The following CELF4 variants were observed in gnomAD, a reference collection of about 807,000 sequenced individuals.
CELF4 encodes CUGBP Elav-like family member 4, also known as CUG-BP- and ETR-3-like factor 4.
Under a neutral mutation model 59.9 loss-of-function variants are expected in CELF4, and 18 were observed. That is an observed-to-expected ratio of 0.30 (90% CI 0.21 to 0.45). CELF4 has a LOEUF of 0.45. Among genes scored for constraint, CELF4 ranks in the 20% least tolerant of loss-of-function variants. CELF4 has a pLI of 1.00. For synonymous variants in CELF4, 261 were observed against 267.1 expected, an observed-to-expected ratio of 0.98 and a Z score of 0.22; for missense variants, 456 against 689.0, an observed-to-expected ratio of 0.66 and a Z score of 3.79.
chr18:37,265,195 G>A (rs984232256), intron 9 of CELF4, among the ~76,000 whole-genome samples: 1 of 151,990 alleles, frequency 6.6e-6, no homozygotes, highest in Non-Finnish European at 1.5e-5. Flanking sequence ...GTACATGCAC[G>A]TGTGTGGGTG....
At chr18:37,393,042 T>C (rs1464649905) in intron 2 of CELF4, among the ~76,000 whole-genome samples, 1 of 151,588 alleles carries the variant, frequency 6.6e-6, no homozygotes, top group African/African-American at 2.4e-5. Flanking sequence ...CATAGTGTGT[T>C]GCACAGACAC....
At chr18:37,347,891 C>T (rs1205958893) in intron 2 of CELF4, among the ~76,000 whole-genome samples, 1 of 152,154 alleles carries the variant, frequency 6.6e-6, no homozygotes, top group African/African-American at 2.4e-5. Context: ...CCAAGATGGG[C>T]CTCCCAGAGG....
intron 1 of CELF4, among the ~76,000 whole-genome samples, chr18:37,507,742 C>T (rs2099939719): frequency 6.6e-6 from 1 of 152,212 alleles, no homozygotes; most frequent in South Asian, 2.1e-4. Flanking sequence ...CAGCGGCTCC[C>T]ACTGTGGCAT....
At chr18:37,549,900 T>A (rs894817696) in intron 1 of CELF4, among the ~76,000 whole-genome samples, 3 of 152,144 alleles carry the variant, frequency 2.0e-5, no homozygotes, top group Non-Finnish European at 4.4e-5. Context: ...ATATAATATC[T>A]TATGACATAT....
chr18:37,498,638 C>G (rs1426574488), intron 1 of CELF4, among the ~76,000 whole-genome samples: 1 of 151,934 alleles, frequency 6.6e-6, no homozygotes, highest in East Asian at 1.9e-4. Flanking sequence ...CAGCATTTTT[C>G]CCATCCCTAC....
chr18:37,444,655 C>T lies in CELF4; in HGVS notation c.369+40870G>A, dbSNP rs914052248. Among the ~76,000 whole-genome samples the T allele has an allele frequency of 4.7e-5, 7 of 149,180 alleles. No individual in the cohort carries two copies. In the East Asian group the frequency reaches 5.9e-4, roughly 13 times the overall value. On this transcript the variant is annotated intron_variant, in intron 2 of 12. Transcript: ENST00000420428. Reference sequence around the variant, plus strand: ...ACACACACACACACACACACACACGCGAACGATGCAGTTTCAGAGGAGGAA... The same window carrying T: ...ACACACACACACACACACACACACGTGAACGATGCAGTTTCAGAGGAGGAA...
chr18:37,277,339 C>A (rs542445432), intron 3 of CELF4, among the ~76,000 whole-genome samples: 2 of 152,376 alleles, frequency 1.3e-5, no homozygotes, highest in South Asian at 4.1e-4. Context: ...CCACTACCTG[C>A]CTCAAGCTGC....
At chr18:37,252,144 G>A (rs552266938) in intron 12 of CELF4, among the ~76,000 whole-genome samples, 1 of 152,198 alleles carries the variant, frequency 6.6e-6, no homozygotes, top group South Asian at 2.1e-4. Flanking sequence ...CTGGGAAGCT[G>A]GAGACCTCCC....
At chr18:37,537,597 C>T (rs1383597817) in intron 1 of CELF4, among the ~76,000 whole-genome samples, 1 of 152,220 alleles carries the variant, frequency 6.6e-6, no homozygotes, top group African/African-American at 2.4e-5. Context: ...GCTGTCTCCA[C>T]CCCAACTCCA....
chr18:37,445,478 T>C (rs949773807), intron 2 of CELF4, among the ~76,000 whole-genome samples: 8 of 151,998 alleles, frequency 5.3e-5, no homozygotes, highest in Middle Eastern at 3.4e-3. Context: ...CATCCAAATG[T>C]GTGTGTGACT....
At chr18:37,510,138 A>G (rs1490242658) in intron 1 of CELF4, among the ~76,000 whole-genome samples, 2 of 152,214 alleles carry the variant, frequency 1.3e-5, no homozygotes, top group Non-Finnish European at 2.9e-5. Flanking sequence ...TGTACACTGT[A>G]ATGTGGTTAA....
At chr18:37,406,035 A>C (rs1279141672) in intron 2 of CELF4, among the ~76,000 whole-genome samples, 1 of 152,156 alleles carries the variant, frequency 6.6e-6, no homozygotes, top group Non-Finnish European at 1.5e-5. Flanking sequence ...TTAATAAAAA[A>C]TTGCTATAAA....
intron 2 of CELF4, among the ~76,000 whole-genome samples, chr18:37,452,981 T>C (rs927912262): frequency 5.3e-5 from 8 of 151,906 alleles, no homozygotes; most frequent in African/African-American, 1.9e-4. Context: ...CGCAGAAAAA[T>C]GTTGCCTGGC....
At chr18:37,290,458 G>A (rs771785960) in intron 3 of CELF4, among the ~76,000 whole-genome samples, 14 of 152,158 alleles carry the variant, frequency 9.2e-5, no homozygotes, top group Non-Finnish European at 1.8e-4. Flanking sequence ...TCTGTCAAGG[G>A]GGGCACTGAT....
In CELF4 at chr18:37,273,134, T is replaced by A. The variant is rs1482151634; in HGVS notation, c.831A>T (p.Ala277=). 1.6e-5 allele frequency: 26 copies of A among 1,613,178 alleles called. No individual in the cohort carries two copies. The highest frequency in any genetic ancestry group is 2.2e-5 in the Non-Finnish European group (26 of 1,179,528). The stretch of plus-strand genomic sequence containing the variant: ...TCAGGTAGCCGCCCTGCGCGACTGA[T>A]GCCATCAGGGCCGCTTGCTGCTGCA... The part of the protein sequence containing the change: ...ALMQQQAALM[A]SVAQGGYLNP... The change falls in exon 7 of 13, where the codon GCA becomes GCT. Residue 277 remains alanine, a synonymous_variant. Transcript: ENST00000420428.
chr18:37,300,946 G>C (rs772343562), intron 3 of CELF4, among the ~76,000 whole-genome samples: 2 of 152,208 alleles, frequency 1.3e-5, no homozygotes, highest in Non-Finnish European at 2.9e-5. Flanking sequence ...AAGAGATTCA[G>C]GCAGGCACTA....
At chr18:37,291,336 A>G (rs923188039) in intron 3 of CELF4, among the ~76,000 whole-genome samples, 3 of 152,218 alleles carry the variant, frequency 2.0e-5, no homozygotes, top group Admixed American at 6.5e-5. Context: ...CACTGTGAGA[A>G]TGAATAGTGA....
chr18:37,554,793 A>G (rs982511045), intron 1 of CELF4, among the ~76,000 whole-genome samples: 1 of 152,130 alleles, frequency 6.6e-6, no homozygotes, highest in Non-Finnish European at 1.5e-5. Context: ...GCTGCCAAGA[A>G]GGGCCAGGGA....
chr18:37,459,202 G>A lies in CELF4; in HGVS notation c.369+26323C>T, dbSNP rs561095511. Among the ~76,000 whole-genome samples, 20 of 152,224 alleles carry A rather than the reference G, an allele frequency of 1.3e-4. No individual in the cohort carries two copies. The South Asian group carries it at 2.5e-3, about 19-fold the overall frequency. On this transcript the variant is annotated intron_variant, in intron 2 of 12. Coordinates refer to ENST00000420428, the MANE Select transcript of CELF4 (RefSeq NM_020180.4). ...ACAGGGTTTTAAAGTGTTTTCTTGC[G>A]CTCATAGGTTTTTGGATTGAGCTGC...
Sources: gnomAD v4.1 joint callset for allele counts (sites outside exome capture counted in the v4.1 genomes callset) on GRCh38, gnomAD v4.1.1 for gene constraint, MANE v1.5 for transcripts, NCBI Gene and HGNC (gene_info 2026-07-23, HGNC 2026-07-21) for gene names.